ARMC2: variants seen among roughly 807,000 people sequenced by gnomAD.
The protein encoded by ARMC2 is armadillo repeat containing 2.
Under a neutral mutation model 90.3 loss-of-function variants are expected in ARMC2, and 67 were observed. The observed-to-expected ratio is 0.74, with a 90% CI of 0.61 to 0.91. ARMC2 has a LOEUF of 0.91. Ranked by LOEUF, ARMC2 falls within the 40% of genes least tolerant of loss-of-function variation. ARMC2 has a pLI of 0.00. For synonymous variants in ARMC2, 393 were observed against 393.0 expected (o/e 1.00, Z 0.00); for missense variants, 920 against 1,030.9 (o/e 0.89, Z 1.47).
the ARMC2 span, among the ~76,000 whole-genome samples, chr6:108,981,785 G>C: frequency 6.6e-6 from 1 of 151,850 alleles, no homozygotes; most frequent in African/African-American, 2.4e-5. Context: ...CTCCTGCTCA[G>C]CCTTCCAAGT....
intron 3 of ARMC2, among the ~76,000 whole-genome samples, chr6:108,861,961 A>G (rs899442993): frequency 6.6e-6 from 1 of 152,174 alleles, no homozygotes; most frequent in Admixed American, 6.5e-5. Context: ...AGAATTAGCT[A>G]TTGGGCTAAG....
the ARMC2 span, among the ~76,000 whole-genome samples, chr6:109,037,920 T>C: frequency 6.6e-6 from 1 of 152,230 alleles, no homozygotes; most frequent in African/African-American, 2.4e-5. Flanking sequence ...ATAAGCTGAC[T>C]AATTCCATTA....
the ARMC2 span, among the ~76,000 whole-genome samples, chr6:108,984,721 A>G: frequency 6.6e-6 from 1 of 152,222 alleles, no homozygotes; most frequent in East Asian, 1.9e-4. Context: ...TTGTTAGTGT[A>G]TAGAAATACA....
At chr6:108,862,356 A>AC (rs1010994330) in intron 3 of ARMC2, among the ~76,000 whole-genome samples, 4 of 145,002 alleles carry the variant, frequency 2.8e-5, no homozygotes, top group African/African-American at 1.0e-4. Flanking sequence ...AAAAAAAAAA[A>AC]AACAAAAAAA....
chr6:109,008,961 C>G, the ARMC2 span: 7 of 998,876 alleles, frequency 7.0e-6, no homozygotes, highest in South Asian at 2.8e-4. Flanking sequence ...ACAAGACAAT[C>G]GAGGGGGCAT....
chr6:109,028,494 C>G, the ARMC2 span, among the ~76,000 whole-genome samples: 1 of 152,032 alleles, frequency 6.6e-6, no homozygotes, highest in African/African-American at 2.4e-5. Context: ...TAAGTACTGT[C>G]TGATGAGTTT....
chr6:109,006,683 C>T, the ARMC2 span, among the ~76,000 whole-genome samples: 1 of 152,118 alleles, frequency 6.6e-6, no homozygotes, highest in Non-Finnish European at 1.5e-5. Flanking sequence ...TGTTATTATA[C>T]AGTAGTAGTC....
At chr6:108,927,501 C>A (rs1299777404) in intron 10 of ARMC2, among the ~76,000 whole-genome samples, 4 of 152,080 alleles carry the variant, frequency 2.6e-5, no homozygotes, top group Admixed American at 6.6e-5. Flanking sequence ...TTACTAAACT[C>A]TTCTCTTCTT....
At chr6:108,993,744 T>C in the ARMC2 span, among the ~76,000 whole-genome samples, 1 of 152,016 alleles carries the variant, frequency 6.6e-6, no homozygotes, top group South Asian at 2.1e-4. Context: ...TCATATAATT[T>C]TTGTTGTTGT....
At chr6:108,859,555 A>G (rs369391891) in intron 3 of ARMC2, among the ~76,000 whole-genome samples, 13 of 152,184 alleles carry the variant, frequency 8.5e-5, no homozygotes, top group East Asian at 5.8e-4. Flanking sequence ...GTGTGAGTCT[A>G]TTTTTATCAA....
chr6:108,930,280 C>T (rs748069299), intron 11 of ARMC2, among the ~76,000 whole-genome samples: 30 of 152,026 alleles, frequency 2.0e-4, no homozygotes, highest in Non-Finnish European at 3.8e-4. Context: ...TCTTGATGAA[C>T]ATTAGGACTA....
intron 12 of ARMC2, among the ~76,000 whole-genome samples, chr6:108,938,298 T>C (rs1420200306): frequency 6.6e-6 from 1 of 152,280 alleles, no homozygotes; most frequent in East Asian, 1.9e-4. Flanking sequence ...TGACTAGCAT[T>C]GAACTTATCT....
At chr6:108,924,055 G>A (rs1774873465) in intron 10 of ARMC2, 1 of 152,278 alleles carries the variant, frequency 6.6e-6, no homozygotes, top group Non-Finnish European at 1.5e-5. Context: ...CCCTAGAGGA[G>A]CTCACCATGG....
chr6:108,995,369 C>T, the ARMC2 span, among the ~76,000 whole-genome samples: 1 of 152,168 alleles, frequency 6.6e-6, no homozygotes. Context: ...TTTATTTCTA[C>T]AATTTACCAA....
intron 5 of ARMC2, among the ~76,000 whole-genome samples, chr6:108,893,919 C>T (rs1330863492): frequency 6.6e-6 from 1 of 151,922 alleles, no homozygotes; most frequent in Non-Finnish European, 1.5e-5. Context: ...TGGGGAGGCT[C>T]AGGCAGGTTG....
intron 5 of ARMC2, among the ~76,000 whole-genome samples, chr6:108,889,384 G>A (rs889953156): frequency 2.0e-5 from 3 of 151,812 alleles, no homozygotes; most frequent in Admixed American, 1.3e-4. Flanking sequence ...GACCTCAGGC[G>A]ATCCGCCTGC....
At chr6:109,002,361 A>T in the ARMC2 span, 1 of 1,606,648 alleles carries the variant, frequency 6.2e-7, no homozygotes, top group African/African-American at 1.3e-5. Flanking sequence ...AGAAAATTAC[A>T]CCATCTCAGG....
intron 13 of ARMC2, among the ~76,000 whole-genome samples, chr6:108,953,782 C>G (rs879279768): frequency 6.6e-6 from 1 of 151,676 alleles, no homozygotes. Context: ...CTTTTTTTTC[C>G]TCTTCAGGTT....
intron 7 of ARMC2, among the ~76,000 whole-genome samples, chr6:108,901,171 T>G (rs12524969): frequency 7.9e-6 from 1 of 125,866 alleles, no homozygotes; most frequent in Non-Finnish European, 1.6e-5. Context: ...TGGAGTGCAG[T>G]GGCGCAATCT....
Sources: gnomAD v4.1 joint callset for allele counts (sites outside exome capture counted in the v4.1 genomes callset) on GRCh38, gnomAD v4.1.1 for gene constraint, MANE v1.5 for transcripts, NCBI Gene and HGNC (gene_info 2026-07-23, HGNC 2026-07-21) for gene names.